ZNF736: variants seen among roughly 807,000 people sequenced by gnomAD.
The protein encoded by ZNF736 is zinc finger protein 736, also known as KRAB-containing zinc-finger repressor protein.
In ZNF736, 6 loss-of-function variants were observed where a neutral mutation model predicts 11.7. That is an observed-to-expected ratio of 0.51 (90% CI 0.28 to 1.01). The LOEUF (loss-of-function observed/expected upper bound fraction) is 1.01, where lower values mean the gene tolerates loss of function less well. Ranked by LOEUF, ZNF736 falls within the 50% of genes least tolerant of loss-of-function variation. The pLI, the probability that ZNF736 is intolerant of heterozygous loss-of-function variation, is 0.09. For synonymous variants in ZNF736, 139 were observed against 164.7 expected, an observed-to-expected ratio of 0.84 and a Z score of 1.19; for missense variants, 444 against 496.0, an observed-to-expected ratio of 0.90 and a Z score of 1.00.
Position 64,336,402 on chromosome 7 carries a change from T to C in ZNF736, c.130+17T>C. The C allele has an allele frequency of 6.3e-7, 1 of 1,583,930 alleles. No homozygotes were observed. The highest frequency in any genetic ancestry group is 8.6e-7 in the Non-Finnish European group (1 of 1,168,422). ...TCTCCTTGGGTGAGAATAACTTCAA[T>C]ATACAACTCATATTCTACATTAAAT... On this transcript the variant is annotated intron_variant, in intron 2 of 3. Coordinates refer to ENST00000423484, the MANE Select transcript of ZNF736 (RefSeq NM_001170905.3).
intron 2 of ZNF736, 74 bp from the exon 3 acceptor site, chr7:64,336,813 T>C (rs1789258248): frequency 1.3e-5 from 16 of 1,190,138 alleles, no homozygotes; most frequent in Non-Finnish European, 1.9e-5. Flanking sequence ...TTCTCTCTTC[T>C]CTACTGAGCA....
At chr7:64,345,900 T>TC (rs1789404451) in intron 3 of ZNF736, among the ~76,000 whole-genome samples, 1 of 152,200 alleles carries the variant, frequency 6.6e-6, no homozygotes, top group Non-Finnish European at 1.5e-5. Flanking sequence ...GTGTCACAGG[T>TC]CATCCATCTA....
chr7:64,330,348 G>A (rs943029640), intron 1 of ZNF736, among the ~76,000 whole-genome samples: 5 of 152,052 alleles, frequency 3.3e-5, no homozygotes, highest in Admixed American at 1.3e-4. Flanking sequence ...TAGTAGAGAC[G>A]GGGTTTCACT....
chr7:64,344,665 T>C lies in ZNF736; in HGVS notation c.227-3425T>C, dbSNP rs547677053. Among the ~76,000 whole-genome samples the C allele has an allele frequency of 2.0e-5, 3 of 152,310 alleles. No homozygotes were observed. The South Asian group carries it at 6.2e-4, about 32-fold the overall frequency. On this transcript the variant is annotated intron_variant, in intron 3 of 3. Coordinates refer to ENST00000423484, the MANE Select transcript of ZNF736 (RefSeq NM_001170905.3). ...GCTGATTAATATTCCCTTTTTTATA[T>C]TTTAAATTATATTTATCGATTAATT...
intron 1 of ZNF736, among the ~76,000 whole-genome samples, chr7:64,317,174 GGTAATATAT>G (rs1267016084): frequency 3.3e-5 from 5 of 152,196 alleles, no homozygotes; most frequent in African/African-American, 1.2e-4. Flanking sequence ...TCTTTGCTCA[GGTAATATAT>G]GTAACCTAAA....
At chr7:64,315,216 CT>C (rs1788895516) in intron 1 of ZNF736, among the ~76,000 whole-genome samples, 2 of 152,200 alleles carry the variant, frequency 1.3e-5, no homozygotes, top group Admixed American at 1.3e-4. Flanking sequence ...CCAATTAATC[CT>C]CTTATAAATT....
intron 1 of ZNF736, among the ~76,000 whole-genome samples, chr7:64,316,195 T>C (rs1294877020): frequency 6.6e-6 from 1 of 152,256 alleles, no homozygotes; most frequent in African/African-American, 2.4e-5. Context: ...GAGAAGAGCC[T>C]GAGGCATTGG....
chr7:64,347,059 G>A (rs1789420542), intron 3 of ZNF736, among the ~76,000 whole-genome samples: 1 of 150,916 alleles, frequency 6.6e-6, no homozygotes, highest in African/African-American at 2.4e-5. Flanking sequence ...GTTGCAATTT[G>A]TATAATAAAA....
chr7:64,335,840 G>A (rs1053208746), intron 1 of ZNF736, among the ~76,000 whole-genome samples: 4 of 152,252 alleles, frequency 2.6e-5, no homozygotes, highest in East Asian at 1.9e-4. Context: ...CAAGCTTTAC[G>A]CTAGATCTTC....
chr7:64,348,026 T>C, intron 3 of ZNF736, 64 bp from the exon 4 acceptor site: 1 of 1,246,086 alleles, frequency 8.0e-7, no homozygotes, highest in South Asian at 1.6e-5. Flanking sequence ...CTTTGTATAA[T>C]TATATATTTG....
rs188536861 is a variant in ZNF736 at position 64,321,835 on chromosome 7, T to A, written c.3+7682T>A. ...AAGAAGCAGGGGCAAAAAAATAAAA[T>A]TTTAAAGAATTTACTTCAGCCAAGG... On this transcript the variant is annotated intron_variant, in intron 1 of 3. Coordinates refer to ENST00000423484, the MANE Select transcript of ZNF736 (RefSeq NM_001170905.3). 1.8e-3 allele frequency among the ~76,000 whole-genome samples: 280 copies of A among 152,246 alleles called. 1 individual carries two copies. The highest frequency in any genetic ancestry group is 6.1e-3 in the African/African-American group (253 of 41,538).
At position 64,314,045 on chromosome 7, in the gene ZNF736, C is replaced by A; in HGVS notation, c.-106C>A. On this transcript the variant is annotated 5_prime_UTR_variant, in exon 1 of 4. Coordinates refer to ENST00000423484, the MANE Select transcript of ZNF736 (RefSeq NM_001170905.3). ...CGCGTCTCCACTGTTCCATCTCCTCCGTTCCTGGAGTTCCTCGGTGACTCT... is the reference window on the plus strand; with the variant it reads ...CGCGTCTCCACTGTTCCATCTCCTCAGTTCCTGGAGTTCCTCGGTGACTCT... 1.4e-6 allele frequency: 2 copies of A among 1,480,924 alleles called. No individual in the cohort carries two copies. Among genetic ancestry groups the A allele is most frequent in the Non-Finnish European group, 1.8e-6 (2 of 1,083,890 alleles). The allele number at this position is 1,480,924 out of a possible 1,614,324, so 91.7% of individuals were successfully genotyped here.
chr7:64,316,952 C>G (rs1253024410), intron 1 of ZNF736, among the ~76,000 whole-genome samples: 2 of 152,166 alleles, frequency 1.3e-5, no homozygotes, highest in African/African-American at 4.8e-5. Context: ...ATGTCTCTCT[C>G]ATGATGCCTG....
chr7:64,340,591 G>A (rs1789323501), intron 3 of ZNF736, among the ~76,000 whole-genome samples: 1 of 152,126 alleles, frequency 6.6e-6, no homozygotes, highest in Non-Finnish European at 1.5e-5. Flanking sequence ...TCTCTTCTTT[G>A]AGAAGGAGTC....
intron 1 of ZNF736, among the ~76,000 whole-genome samples, chr7:64,319,814 C>T (rs928222654): frequency 2.0e-5 from 3 of 150,384 alleles, no homozygotes; most frequent in Non-Finnish European, 3.0e-5. Context: ...CTTTACTTGT[C>T]TTTTTCTTTC....
rs1789549896 is a variant in ZNF736 at position 64,356,077 on chromosome 7, A to G, written c.*6930A>G. 1 of 156,352 alleles carries G rather than the reference A, an allele frequency of 6.4e-6. No homozygotes were observed. Among genetic ancestry groups the G allele is most frequent in the Non-Finnish European group, 1.4e-5 (1 of 69,338 alleles). The allele number at this position is 156,352 out of a possible 1,614,324, so 9.7% of individuals were successfully genotyped here. The stretch of plus-strand genomic sequence containing the variant: ...ATGAATTGGGTGATTTTTTAAAGTA[A>G]TATAAATAATAGGTTTGTTCTGTAT... On this transcript the variant is annotated 3_prime_UTR_variant, in exon 4 of 4. Transcript: ENST00000423484.
In ZNF736 at chr7:64,336,895, A is replaced by G. The variant is rs746710677; in HGVS notation, c.139A>G (p.Ile47Val). ...YGNLVSLGLA[I>V]FKPDLMTCLE... ...TTTTTCTAATAAAACAGGTCTTGCT[A>G]TCTTTAAGCCAGACTTGATGACCTG... Residue 47 changes from isoleucine (I) to valine (V), a missense_variant, in exon 3 of 4, where the codon ATC becomes GTC. Coordinates refer to ENST00000423484, the MANE Select transcript of ZNF736 (RefSeq NM_001170905.3). The G allele has an allele frequency of 5.0e-6, 8 of 1,592,630 alleles. No individual in the cohort carries two copies. Among genetic ancestry groups the G allele is most frequent in the Admixed American group, 1.8e-5 (1 of 56,304 alleles).
At chr7:64,320,174 T>C (rs61471925) in intron 1 of ZNF736, among the ~76,000 whole-genome samples, 7,581 of 152,234 alleles carry the variant, frequency 0.05, 636 homozygotes, top group African/African-American at 0.17. Context: ...AACAAAAAAA[T>C]TGTAGCTCTT....
Position 64,356,209 on chromosome 7 carries a change from A to C in ZNF736, c.*7062A>C, listed in dbSNP as rs1789551908. The C allele has an allele frequency of 6.6e-6, 1 of 152,252 alleles. No homozygotes were observed. Among genetic ancestry groups the C allele is most frequent in the South Asian group, 2.1e-4 (1 of 4,832 alleles). The allele number at this position is 152,252 out of a possible 1,614,324, so 9.4% of individuals were successfully genotyped here. The stretch of plus-strand genomic sequence containing the variant: ...ATCAGATGCTGAAAGATAAAGAGCA[A>C]GTAAATGAATCTATTTCAGTTTTTG... On this transcript the variant is annotated 3_prime_UTR_variant, in exon 4 of 4. Transcript: ENST00000423484.
Sources: gnomAD v4.1 joint callset for allele counts (sites outside exome capture counted in the v4.1 genomes callset) on GRCh38, gnomAD v4.1.1 for gene constraint, MANE v1.5 for transcripts, NCBI Gene and HGNC (gene_info 2026-07-23, HGNC 2026-07-21) for gene names.